The following CACNA2D4 variants were observed in gnomAD, a reference collection of about 807,000 sequenced individuals.
CACNA2D4 encodes voltage-dependent calcium channel subunit alpha-2/delta-4.
CACNA2D4 carries 157 observed loss-of-function variants against 163.8 expected under a neutral mutation model. The ratio of observed to expected loss-of-function variants is 0.96; its 90% CI spans 0.84 to 1.09. CACNA2D4 has a LOEUF of 1.09. CACNA2D4 is among the 50% of genes least tolerant of loss of function. CACNA2D4 has a pLI of 0.00. For synonymous variants in CACNA2D4, 598 were observed against 586.9 expected (o/e 1.02, Z -0.27); for missense variants, 1,410 against 1,479.9 (o/e 0.95, Z 0.78).
Position 1,811,926 on chromosome 12 carries a change from T to A in CACNA2D4, c.2552-203A>T. 2 of 583,112 alleles carry A rather than the reference T, an allele frequency of 3.4e-6. 1 individual carries two copies. Among genetic ancestry groups the A allele is most frequent in the Admixed American group, 6.3e-5 (2 of 31,724 alleles). 36.1% of individuals were successfully genotyped at this position (583,112 alleles called of 1,614,324 possible). On this transcript the variant is annotated intron_variant, in intron 26 of 37. Coordinates refer to ENST00000382722, the MANE Select transcript of CACNA2D4 (RefSeq NM_172364.5). ...GGGGAAGAACAGAGACGGCAGCCTC[T>A]CTCGTTCCCACTGGAAGAAGAGCGA...
In CACNA2D4 at chr12:1,804,990, G is replaced by C. The variant is rs960916459; in HGVS notation, c.2722-3346C>G. Among the ~76,000 whole-genome samples the C allele has an allele frequency of 5.3e-5, 8 of 152,352 alleles. No individual in the cohort carries two copies. In the South Asian group the frequency reaches 1.7e-3, roughly 32 times the overall value. ...AATACAGTCCCTGAACCTGCAAAGC[G>C]AAGGTCCAAACGTCGACGTGGGATG... On this transcript the variant is annotated intron_variant, in intron 29 of 37. Coordinates refer to ENST00000382722, the MANE Select transcript of CACNA2D4 (RefSeq NM_172364.5).
chr12:1,862,557 C>T (rs1204320633), intron 18 of CACNA2D4, among the ~76,000 whole-genome samples: 1 of 152,118 alleles, frequency 6.6e-6, no homozygotes, highest in Admixed American at 6.5e-5. Context: ...GCACCACAGG[C>T]ACACACCACC....
chr12:1,894,272 G>A (rs190302363), intron 6 of CACNA2D4, among the ~76,000 whole-genome samples: 1 of 152,250 alleles, frequency 6.6e-6, no homozygotes, highest in East Asian at 1.9e-4. Context: ...GGAAAATCTA[G>A]GACCAGATAG....
intron 9 of CACNA2D4, 85 bp downstream of exon 9, chr12:1,885,880 C>T: frequency 2.0e-6 from 2 of 977,804 alleles, no homozygotes; most frequent in Non-Finnish European, 3.2e-6. Context: ...GCAAAAAGGG[C>T]CACAGAAACA....
In CACNA2D4 at chr12:1,818,534, G is replaced by A. The variant is rs544439492; in HGVS notation, c.2552-6811C>T. On this transcript the variant is annotated intron_variant, in intron 26 of 37. Transcript: ENST00000382722. ...CTCAGGGTTAAATGGATTAAGGGCG[G>A]TGCAAGATGTGCTTTGTTAAACAGA... Among the ~76,000 whole-genome samples the A allele has an allele frequency of 7.0e-3, 1,066 of 151,722 alleles. 8 individuals carry two copies. The highest frequency in any genetic ancestry group is 9.3e-3 in the Non-Finnish European group (633 of 68,014).
At chr12:1,894,167 C>T (rs1166237722) in intron 6 of CACNA2D4, among the ~76,000 whole-genome samples, 7 of 152,060 alleles carry the variant, frequency 4.6e-5, no homozygotes, top group East Asian at 1.9e-4. Flanking sequence ...TGGACACATA[C>T]AAGCTACCAA....
chr12:1,826,103 C>T (rs752036024), intron 26 of CACNA2D4, among the ~76,000 whole-genome samples: 38 of 152,028 alleles, frequency 2.5e-4, no homozygotes, highest in East Asian at 1.2e-3. Context: ...TTGGTGGGAT[C>T]GGGAAAGAAA....
At chr12:1,809,264 G>A (rs1254214129) in intron 29 of CACNA2D4, 1 of 513,170 alleles carries the variant, frequency 1.9e-6, no homozygotes, top group African/African-American at 1.9e-5. Flanking sequence ...GCGTGGAGGT[G>A]GCCTTGGCCA....
In CACNA2D4 at chr12:1,834,132, T is replaced by C; in HGVS notation, c.2551+6607A>G. The C allele has an allele frequency of 2.0e-6, 2 of 1,007,686 alleles. No homozygotes were observed. Among genetic ancestry groups the C allele is most frequent in the Non-Finnish European group, 2.8e-6 (2 of 717,184 alleles). The allele number at this position is 1,007,686 out of a possible 1,614,324, so 62.4% of individuals were successfully genotyped here. On this transcript the variant is annotated intron_variant, in intron 26 of 37. Coordinates refer to ENST00000382722, the MANE Select transcript of CACNA2D4 (RefSeq NM_172364.5). The surrounding 1 kb of genome is among the most constrained non-coding windows in gnomAD (Gnocchi z 7.6). ...CCTCCTCCGCTTCCTCTTCTATAGA[T>C]GGTGATTCCAGGATTGACTACATTG...
chr12:1,885,866 A>T, intron 9 of CACNA2D4, 99 bp downstream of exon 9: 1 of 860,104 alleles, frequency 1.2e-6, no homozygotes, highest in Non-Finnish European at 1.9e-6. Flanking sequence ...TGCCATGGGA[A>T]TAAGCAAAAA....
intron 6 of CACNA2D4, among the ~76,000 whole-genome samples, chr12:1,888,809 G>A (rs2108633): frequency 0.77 from 117,309 of 152,126 alleles, 45,338 homozygotes; most frequent in East Asian, 0.88. Flanking sequence ...GGTGATGGTT[G>A]AAGAGATGAT....
chr12:1,793,963 C>T (rs1301152451), intron 37 of CACNA2D4, among the ~76,000 whole-genome samples: 2 of 152,182 alleles, frequency 1.3e-5, no homozygotes, highest in East Asian at 3.8e-4. Flanking sequence ...GGGCACCGGC[C>T]TTCTCTGCTT....
At position 1,879,871 on chromosome 12, in the gene CACNA2D4, G is replaced by A. The variant is rs375121955; in HGVS notation, c.1496C>T (p.Ser499Leu). ...GAGCAGTGTCAGGCTCTGAGCCTGC[G>A]AGCTGAGGAGCTGTAAGGGAGGGGA... ...EAYMDSKLLS[S>L]QAQSLTLLTT... Residue 499 changes from serine to leucine, a missense_variant, in exon 14 of 38, where the codon TCG becomes TTG. Transcript: ENST00000382722. 2.3e-5 allele frequency: 36 copies of A among 1,595,850 alleles called. No homozygotes were observed. In the African/African-American group the frequency reaches 2.8e-4, roughly 12 times the overall value.
chr12:1,798,107 C>T lies in CACNA2D4; in HGVS notation c.2996-572G>A, dbSNP rs1180967341. ...CGGAAGCCCAGAAGCCACAGCCACC[C>T]GGTGCGGGACTCCTCGGGGGCTGCG... On this transcript the variant is annotated intron_variant, in intron 34 of 37. Coordinates refer to ENST00000382722, the MANE Select transcript of CACNA2D4 (RefSeq NM_172364.5). The surrounding 1 kb of genome is among the most constrained non-coding windows in gnomAD (Gnocchi z 4.3). Among the ~76,000 whole-genome samples, 2 of 152,162 alleles carry T rather than the reference C, an allele frequency of 1.3e-5. No individual in the cohort carries two copies. Among genetic ancestry groups the T allele is most frequent in the African/African-American group, 2.4e-5 (1 of 41,460 alleles).
chr12:1,806,839 C>G lies in CACNA2D4; in HGVS notation c.2721+3439G>C, dbSNP rs555287423. Reference sequence around the variant, plus strand: ...TGCTGGGGCTTCTGTCCTTCAGCCACACTGGAGGCCTAGAGATAAGCAGGG... The same window carrying G: ...TGCTGGGGCTTCTGTCCTTCAGCCAGACTGGAGGCCTAGAGATAAGCAGGG... On this transcript the variant is annotated intron_variant, in intron 29 of 37. Coordinates refer to ENST00000382722, the MANE Select transcript of CACNA2D4 (RefSeq NM_172364.5). The surrounding 1 kb of genome is among the most constrained non-coding windows in gnomAD (Gnocchi z 4.1). Among the ~76,000 whole-genome samples, 2 of 152,230 alleles carry G rather than the reference C, an allele frequency of 1.3e-5. No individual in the cohort carries two copies. The highest frequency in any genetic ancestry group is 4.8e-5 in the African/African-American group (2 of 41,550).
chr12:1,883,045 T>A lies in CACNA2D4; in HGVS notation c.1352-45A>T, dbSNP rs1449483121. ...GTGGGTGTGGAAGGCAGGGCTTCCC[T>A]GGGAACCCCTCGCCAGGGCCTGCAC... On this transcript the variant is annotated intron_variant, in intron 12 of 37. Coordinates refer to ENST00000382722, the MANE Select transcript of CACNA2D4 (RefSeq NM_172364.5). This position sits in a 1 kb window ranked among gnomAD's most constrained non-coding sequence, Gnocchi z 4.5. 6.3e-7 allele frequency: 1 copy of A among 1,586,452 alleles called. No individual in the cohort carries two copies. The highest frequency in any genetic ancestry group is 2.3e-5 in the East Asian group (1 of 43,818).
In CACNA2D4 at chr12:1,918,533, T is replaced by C; in HGVS notation, c.-60A>G. ...GCCCCAGGCCTTTGTCTTCCGTGCC[T>C]TGGCGAGCCTGGGGTCTCCAGCCTC... On this transcript the variant is annotated 5_prime_UTR_variant, in exon 1 of 38. Coordinates refer to ENST00000382722, the MANE Select transcript of CACNA2D4 (RefSeq NM_172364.5). 1 of 1,381,602 alleles carries C rather than the reference T, an allele frequency of 7.2e-7. No individual in the cohort carries two copies. Among genetic ancestry groups the C allele is most frequent in the Non-Finnish European group, 9.9e-7 (1 of 1,005,934 alleles). The allele number at this position is 1,381,602 out of a possible 1,614,324, so 85.6% of individuals were successfully genotyped here.
rs1433042543 is a variant in CACNA2D4 at position 1,797,335 on chromosome 12, G to C, written c.3113+83C>G. On this transcript the variant is annotated intron_variant, in intron 35 of 37. Transcript: ENST00000382722. ...CCGGCTGTGGAGCCGTTTCCCGGGGGTTCCGGGGCCCTGCCCGCACTTCCG... is the reference window on the plus strand; with the variant it reads ...CCGGCTGTGGAGCCGTTTCCCGGGGCTTCCGGGGCCCTGCCCGCACTTCCG... 6.8e-6 allele frequency: 7 copies of C among 1,027,852 alleles called. No individual in the cohort carries two copies. In the South Asian group the frequency reaches 9.5e-5, roughly 14 times the overall value. The allele number at this position is 1,027,852 out of a possible 1,614,324, so 63.7% of individuals were successfully genotyped here. A position where few individuals can be genotyped will look rare whatever the true frequency, so the allele number is the denominator to read the frequency against.
chr12:1,873,153 A>C (rs1004184715), intron 18 of CACNA2D4, among the ~76,000 whole-genome samples: 1 of 149,028 alleles, frequency 6.7e-6, no homozygotes, highest in Non-Finnish European at 1.5e-5. Flanking sequence ...GTTTCTTATA[A>C]ATGTTAGTTT....
Sources: allele counts gnomAD v4.1 joint callset (sites outside exome capture counted in the v4.1 genomes callset), GRCh38; gene constraint gnomAD v4.1.1; non-coding constraint Gnocchi (gnomAD v3.1); transcripts MANE v1.5; gene names NCBI Gene and HGNC (gene_info 2026-07-23, HGNC 2026-07-21).